The following DYNC2H1 variants were observed in gnomAD, a reference collection of about 807,000 sequenced individuals.
DYNC2H1 encodes cytoplasmic dynein 2 heavy chain 1.
In DYNC2H1, 410 loss-of-function variants were observed where a neutral mutation model predicts 570.0. The observed-to-expected ratio is 0.72, with a 90% CI of 0.66 to 0.78. DYNC2H1 has a LOEUF of 0.78. Among genes scored for constraint, DYNC2H1 ranks in the 30% least tolerant of loss-of-function variants. The probability of loss-of-function intolerance (pLI) is 0.00; values close to 1 mark genes in which losing one functional copy is unlikely to be tolerated. For missense variants in DYNC2H1, 4,865 were observed against 5,046.4 expected (o/e 0.96, Z 1.09); for synonymous variants, 1,688 against 1,677.6 (o/e 1.01, Z -0.15).
chr11:103,338,607 G>C (rs749141422), intron 82 of DYNC2H1, among the ~76,000 whole-genome samples: 2 of 152,138 alleles, frequency 1.3e-5, no homozygotes, highest in Non-Finnish European at 2.9e-5. Context: ...CTGCTGTTGA[G>C]ACACTGATGT....
At position 103,174,117 on chromosome 11, in the gene DYNC2H1, G is replaced by A; in HGVS notation, c.5621G>A (p.Arg1874Lys). The stretch of plus-strand genomic sequence containing the variant: ...TTGAGAGCTTTGAAGACAGTTCTGA[G>A]AGGAAGTGGAAATCTCCTTAGACAG... ...WGLRALKTVL[R>K]GSGNLLRQLN... The change falls in exon 36 of 89, where the codon AGA becomes AAA. Residue 1874 changes from arginine to lysine, a missense_variant. Physicochemically the swap from Arg to Lys is conservative, Grantham distance 26. Transcript: ENST00000375735. 1.3e-6 allele frequency: 2 copies of A among 1,590,208 alleles called. No individual in the cohort carries two copies. Among genetic ancestry groups the A allele is most frequent in the East Asian group, 4.5e-5 (2 of 44,114 alleles).
At chr11:103,306,359 C>G (rs547923420) in intron 77 of DYNC2H1, among the ~76,000 whole-genome samples, 2 of 152,002 alleles carry the variant, frequency 1.3e-5, no homozygotes, top group East Asian at 3.9e-4. Flanking sequence ...AATTAGAACT[C>G]GTAGAAACAG....
intron 4 of DYNC2H1, among the ~76,000 whole-genome samples, chr11:103,115,521 G>A (rs1858341610): frequency 1.3e-5 from 2 of 152,114 alleles, no homozygotes; most frequent in South Asian, 4.1e-4. Flanking sequence ...ATTACGCCTG[G>A]GCATGGTGAC....
At chr11:103,410,451 A>G (rs1327721647) in intron 84 of DYNC2H1, among the ~76,000 whole-genome samples, 3 of 152,122 alleles carry the variant, frequency 2.0e-5, no homozygotes, top group African/African-American at 7.2e-5. Context: ...ATGGCGGTAT[A>G]TAGGCTGGGG....
At chr11:103,354,530 T>G (rs904171470) in intron 82 of DYNC2H1, among the ~76,000 whole-genome samples, 3 of 152,138 alleles carry the variant, frequency 2.0e-5, no homozygotes, top group Non-Finnish European at 1.5e-5. Context: ...TCTTAAACAT[T>G]TTCTTTGCTT....
intron 59 of DYNC2H1, among the ~76,000 whole-genome samples, chr11:103,229,135 G>A (rs778102339): frequency 2.0e-5 from 3 of 152,186 alleles, no homozygotes; most frequent in Non-Finnish European, 4.4e-5. Flanking sequence ...AGTGACCAGG[G>A]CTGAGAACTT....
In DYNC2H1 at chr11:103,203,726, A is replaced by G; in HGVS notation, c.8261A>G (p.Gln2754Arg). ...LEPLLLPLKD[Q>R]ASQDGFFGPV... The stretch of plus-strand genomic sequence containing the variant: ...CCCTTGCTGTTACCACTTAAGGATC[A>G]AGCTTCACAAGATGGTTTTTTTGGA... Residue 2754 changes from glutamine (Q) to arginine (R), a missense_variant, in exon 51 of 89, where the codon CAA (glutamine) becomes CGA (arginine). Coordinates refer to ENST00000375735, the MANE Select transcript of DYNC2H1 (RefSeq NM_001377.3). This position sits in a 1 kb window ranked among gnomAD's most constrained non-coding sequence, Gnocchi z 4.7. 1 of 1,612,468 alleles carries G rather than the reference A, an allele frequency of 6.2e-7. No homozygotes were observed. The highest frequency in any genetic ancestry group is 2.2e-5 in the East Asian group (1 of 44,742).
rs976105180 is a variant in DYNC2H1, at chr11:103,159,804, A to C, written c.4378+777A>C. Among the ~76,000 whole-genome samples, 12 of 152,300 alleles carry C rather than the reference A, an allele frequency of 7.9e-5. No homozygotes were observed. In the East Asian group the frequency reaches 2.3e-3, roughly 29 times the overall value. ...ATTTTCATCATTTTAACTAATAATC[A>C]AGGATCAGCAAAATATAACCCATGG... is the stretch of plus-strand genomic sequence containing the variant. On this transcript the variant is annotated intron_variant, in intron 28 of 88. Transcript: ENST00000375735.
chr11:103,176,594 T>G (rs1451003623), intron 37 of DYNC2H1, among the ~76,000 whole-genome samples, 160 bp downstream of exon 37: 1 of 152,222 alleles, frequency 6.6e-6, no homozygotes, highest in Non-Finnish European at 1.5e-5. Context: ...TGATTTGATC[T>G]TCTTGCTGTG....
At chr11:103,380,560 G>A (rs992649432) in intron 83 of DYNC2H1, among the ~76,000 whole-genome samples, 3 of 136,412 alleles carry the variant, frequency 2.2e-5, no homozygotes, top group African/African-American at 7.5e-5. Context: ...ACGTGATGAG[G>A]AATTTTTTTT....
In DYNC2H1 at chr11:103,241,522, A is replaced by G; in HGVS notation, c.9820-2171A>G. On this transcript the variant is annotated intron_variant, in intron 63 of 88. Coordinates refer to ENST00000375735, the MANE Select transcript of DYNC2H1 (RefSeq NM_001377.3). This position sits in a 1 kb window ranked among gnomAD's most constrained non-coding sequence, Gnocchi z 5.1. ...ACCTTTCTTCTTTTCATTTAACTGCATCAGATCATTGGTTTGAAATCATGG... is the reference window on the plus strand; with the variant it reads ...ACCTTTCTTCTTTTCATTTAACTGCGTCAGATCATTGGTTTGAAATCATGG... The G allele has an allele frequency of 1.3e-6, 2 of 1,593,550 alleles. No individual in the cohort carries two copies. The highest frequency in any genetic ancestry group is 1.7e-6 in the Non-Finnish European group (2 of 1,164,786).
chr11:103,312,591 C>G (rs955791586), intron 79 of DYNC2H1, among the ~76,000 whole-genome samples: 1 of 145,186 alleles, frequency 6.9e-6, no homozygotes, highest in Admixed American at 6.8e-5. Context: ...GTATAAATAG[C>G]TAGGTTTACA....
At chr11:103,180,624 A>C (rs1861813059) in intron 39 of DYNC2H1, among the ~76,000 whole-genome samples, 1 of 151,612 alleles carries the variant, frequency 6.6e-6, no homozygotes, top group East Asian at 1.9e-4. Context: ...ATATTTGTTG[A>C]GCACTTGCTA....
chr11:103,297,261 T>C (rs538586494), intron 75 of DYNC2H1, among the ~76,000 whole-genome samples: 64 of 152,288 alleles, frequency 4.2e-4, no homozygotes, highest in African/African-American at 1.4e-3. Context: ...TACTCAGTTG[T>C]TTAATCCAAA....
chr11:103,390,175 G>A (rs972297453), intron 83 of DYNC2H1, among the ~76,000 whole-genome samples: 1 of 152,122 alleles, frequency 6.6e-6, no homozygotes, highest in African/African-American at 2.4e-5. Context: ...ATGAATCTGG[G>A]TGCTGCTGTA....
intron 50 of DYNC2H1, among the ~76,000 whole-genome samples, chr11:103,200,506 C>T (rs575324707): frequency 1.3e-5 from 2 of 152,218 alleles, no homozygotes; most frequent in South Asian, 4.1e-4. Context: ...ATTCTATTAT[C>T]TGTAGGAATT....
At chr11:103,403,647 G>C (rs1253505918) in intron 84 of DYNC2H1, 2 of 152,032 alleles carry the variant, frequency 1.3e-5, no homozygotes, top group African/African-American at 2.4e-5. Context: ...AAGCATTCAG[G>C]AATTGCATCT....
rs749684297 is a variant in DYNC2H1, at chr11:103,303,162, C to A, written c.11165C>A (p.Pro3722His). The part of the protein sequence containing the change: ...RLYKETLEIE[P>H]ILIIISPGAD... ...TACAAAGAGACACTGGAAATTGAAC[C>A]CATCTTGATAATTATTTCTCCGGGT... Residue 3722 changes from proline to histidine, a missense_variant, in exon 76 of 89, where the codon CCC becomes CAC. Pro to His is a moderately conservative substitution (Grantham distance 77). Transcript: ENST00000375735. 15 of 1,611,632 alleles carry A rather than the reference C, an allele frequency of 9.3e-6. No homozygotes were observed. The highest frequency in any genetic ancestry group is 3.3e-5 in the Admixed American group (2 of 59,844).
intron 42 of DYNC2H1, among the ~76,000 whole-genome samples, 189 bp from the exon 43 acceptor site, chr11:103,187,151 A>T (rs1167031872): frequency 6.6e-6 from 1 of 152,006 alleles, no homozygotes; most frequent in Non-Finnish European, 1.5e-5. Context: ...ACATGAATTT[A>T]TGTTTTTCTA....
Sources: gnomAD v4.1 joint callset for allele counts (sites outside exome capture counted in the v4.1 genomes callset) on GRCh38, gnomAD v4.1.1 for gene constraint, Gnocchi (gnomAD v3.1) non-coding constraint, MANE v1.5 for transcripts, NCBI Gene and HGNC (gene_info 2026-07-23, HGNC 2026-07-21) for gene names.